The following PTPRT variants were observed in gnomAD, a reference collection of about 807,000 sequenced individuals.
The protein encoded by PTPRT is receptor-type tyrosine-protein phosphatase T.
In PTPRT, 56 loss-of-function variants were observed where a neutral mutation model predicts 176.8. That is an observed-to-expected ratio of 0.32 (90% CI 0.26 to 0.40). PTPRT has a LOEUF of 0.40. Among genes scored for constraint, PTPRT ranks in the 10% least tolerant of loss-of-function variants. The probability of loss-of-function intolerance (pLI) is 1.00; values close to 1 mark genes in which losing one functional copy is unlikely to be tolerated. For synonymous variants in PTPRT, 783 were observed against 739.0 expected, an observed-to-expected ratio of 1.06 and a Z score of -0.96; for missense variants, 1,540 against 1,908.2, an observed-to-expected ratio of 0.81 and a Z score of 3.60.
intron 9 of PTPRT, among the ~76,000 whole-genome samples, chr20:42,387,642 A>G (rs2058757057): frequency 6.6e-6 from 1 of 152,280 alleles, no homozygotes; most frequent in South Asian, 2.1e-4. Flanking sequence ...GAAACTTCCT[A>G]TAGGGCAAAT....
intron 1 of PTPRT, among the ~76,000 whole-genome samples, chr20:43,081,477 A>T (rs2011440463): frequency 6.6e-6 from 1 of 152,224 alleles, no homozygotes; most frequent in South Asian, 2.1e-4. Flanking sequence ...TTCTATAGCT[A>T]TGATTATTTC....
chr20:42,738,047 G>A (rs1035505572), intron 6 of PTPRT, among the ~76,000 whole-genome samples: 1 of 152,132 alleles, frequency 6.6e-6, no homozygotes, highest in Non-Finnish European at 1.5e-5. Flanking sequence ...TGCTCACTTT[G>A]TAGAGGGTAT....
intron 7 of PTPRT, among the ~76,000 whole-genome samples, chr20:42,643,230 T>A (rs1308463364): frequency 6.6e-6 from 1 of 152,200 alleles, no homozygotes; most frequent in Non-Finnish European, 1.5e-5. Flanking sequence ...ACCTGGTGAA[T>A]AAGCATTTTG....
chr20:42,113,710 C>T (rs1190529268), intron 22 of PTPRT, among the ~76,000 whole-genome samples: 1 of 152,240 alleles, frequency 6.6e-6, no homozygotes, highest in Non-Finnish European at 1.5e-5. Flanking sequence ...TTCCCACTCT[C>T]TCTTAGGAAT....
chr20:42,458,900 C>T (rs2070969154), intron 8 of PTPRT, among the ~76,000 whole-genome samples: 1 of 152,026 alleles, frequency 6.6e-6, no homozygotes, highest in East Asian at 1.9e-4. Context: ...GTAAGAAAAA[C>T]ACAAGGAAAA....
At chr20:42,823,785 TAGAA>T (rs929136432) in intron 2 of PTPRT, among the ~76,000 whole-genome samples, 18 of 151,956 alleles carry the variant, frequency 1.2e-4, no homozygotes, top group East Asian at 1.9e-4. Context: ...AGGAAGAAGT[TAGAA>T]AGAAAGAAAT....
At chr20:43,011,116 C>G (rs1985098163) in intron 1 of PTPRT, among the ~76,000 whole-genome samples, 1 of 152,164 alleles carries the variant, frequency 6.6e-6, no homozygotes, top group Non-Finnish European at 1.5e-5. Flanking sequence ...GGTGTTGGTT[C>G]TTATTCATTC....
intron 9 of PTPRT, among the ~76,000 whole-genome samples, chr20:42,376,980 C>T (rs530308155): frequency 7.9e-5 from 12 of 152,168 alleles, no homozygotes; most frequent in East Asian, 3.9e-4. Context: ...AAAGCACACA[C>T]GGGTGATAGT....
chr20:42,480,883 C>T (rs1815976472), intron 7 of PTPRT, among the ~76,000 whole-genome samples: 1 of 152,154 alleles, frequency 6.6e-6, no homozygotes, highest in South Asian at 2.1e-4. Flanking sequence ...ACACAGTATA[C>T]AAGCATTTAT....
At position 42,600,976 on chromosome 20, in the gene PTPRT, T is replaced by C. The variant is rs151047399; in HGVS notation, c.1153+76890A>G. ...CTAACAGGGTGGGTTTGGATCCCTC[T>C]GTCCTGAGTCAATGTCAAGGCACTG... is the stretch of plus-strand genomic sequence containing the variant. On this transcript the variant is annotated intron_variant, in intron 7 of 30. Transcript: ENST00000373187. Among the ~76,000 whole-genome samples, 86 of 152,292 alleles carry C rather than the reference T, an allele frequency of 5.6e-4. No individual in the cohort carries two copies. In the East Asian group the frequency reaches 0.016, roughly 28 times the overall value.
At chr20:42,047,913 C>T in the PTPRT span, among the ~76,000 whole-genome samples, 223 of 152,296 alleles carry the variant, frequency 1.5e-3, 2 homozygotes, top group African/African-American at 5.2e-3. Context: ...CCAATGCAGA[C>T]ATCTGGTAGC....
Position 43,133,747 on chromosome 20 carries a change from CAAAAAAAA to C in PTPRT, c.88+55891_88+55898del, listed in dbSNP as rs11366438. ...TGGGCAACAGAGCGAGACTCTGTCT[CAAAAAAAA>C]AAAAAAAAAATAGTATTGGAGTGCT... On this transcript the variant is annotated intron_variant, in intron 1 of 30. Transcript: ENST00000373187. Among the ~76,000 whole-genome samples the C allele has an allele frequency of 4.0e-5, 5 of 124,890 alleles. No homozygotes were observed. In the Admixed American group the frequency reaches 4.0e-4, roughly 10 times the overall value. 81.9% of individuals were successfully genotyped at this position (124,890 alleles called of 152,430 possible).
chr20:42,915,623 A>G (rs990495057), intron 1 of PTPRT, among the ~76,000 whole-genome samples: 3 of 151,990 alleles, frequency 2.0e-5, no homozygotes, highest in Admixed American at 2.0e-4. Context: ...TCTGTCTATC[A>G]TTTACCTATT....
chr20:42,555,219 C>G (rs1037675130), intron 7 of PTPRT, among the ~76,000 whole-genome samples: 11 of 152,104 alleles, frequency 7.2e-5, no homozygotes, highest in African/African-American at 2.7e-4. Flanking sequence ...CTCAGAGAGG[C>G]ACTTGGTACA....
chr20:42,219,894 G>A (rs1295123398), intron 15 of PTPRT, among the ~76,000 whole-genome samples: 2 of 152,168 alleles, frequency 1.3e-5, no homozygotes, highest in Non-Finnish European at 2.9e-5. Context: ...CAAGACAGAT[G>A]AGAACTCACA....
Position 42,758,293 on chromosome 20 carries a change from T to G in PTPRT, c.685-1657A>C, listed in dbSNP as rs2076865443. Among the ~76,000 whole-genome samples, 3 of 152,274 alleles carry G rather than the reference T, an allele frequency of 2.0e-5. No individual in the cohort carries two copies. In the South Asian group the frequency reaches 6.2e-4, roughly 32 times the overall value. ...AGTTTCCCCATGTGCATAACCTACTTTCATCTATGTCATCTTTCCTCACCC... is the reference window on the plus strand; with the variant it reads ...AGTTTCCCCATGTGCATAACCTACTGTCATCTATGTCATCTTTCCTCACCC... On this transcript the variant is annotated intron_variant, in intron 5 of 30. Coordinates refer to ENST00000373187, the MANE Select transcript of PTPRT (RefSeq NM_007050.6).
At chr20:42,033,782 G>A in the PTPRT span, among the ~76,000 whole-genome samples, 3 of 152,134 alleles carry the variant, frequency 2.0e-5, no homozygotes, top group Non-Finnish European at 2.9e-5. Context: ...TTGCATGGGG[G>A]GATCTGGCAC....
chr20:42,739,828 C>T (rs944085802), intron 6 of PTPRT, among the ~76,000 whole-genome samples: 1 of 152,196 alleles, frequency 6.6e-6, no homozygotes, highest in African/African-American at 2.4e-5. Context: ...CGGCCAACTC[C>T]CTTCCTGCTC....
intron 1 of PTPRT, among the ~76,000 whole-genome samples, chr20:42,888,681 A>G (rs895856208): frequency 6.6e-6 from 1 of 152,200 alleles, no homozygotes; most frequent in Non-Finnish European, 1.5e-5. Context: ...AAGAGGGGCC[A>G]GGCAGATAAA....
Sources: gnomAD v4.1 joint callset for allele counts (sites outside exome capture counted in the v4.1 genomes callset) on GRCh38, gnomAD v4.1.1 for gene constraint, MANE v1.5 for transcripts, NCBI Gene and HGNC (gene_info 2026-07-23, HGNC 2026-07-21) for gene names.